The following SERPINB11 variants were observed in gnomAD, a reference collection of about 807,000 sequenced individuals.
The protein encoded by SERPINB11 is serpin family B member 11, also known as serpin B11.
Under a neutral mutation model 36.7 loss-of-function variants are expected in SERPINB11, and 32 were observed. The observed-to-expected ratio is 0.87, with a 90% CI of 0.66 to 1.17. The LOEUF is 1.17. Ranked by LOEUF, SERPINB11 falls within the 50% of genes most tolerant of loss-of-function variation. The pLI is 0.00. For synonymous variants in SERPINB11, 174 were observed against 168.1 expected (o/e 1.04, Z -0.27); for missense variants, 528 against 458.4 (o/e 1.15, Z -1.39).
chr18:63,709,467 C>T (rs930117211), intron 1 of SERPINB11, among the ~76,000 whole-genome samples: 22 of 151,862 alleles, frequency 1.4e-4, no homozygotes, highest in Admixed American at 8.5e-4. Flanking sequence ...AAAAGTTAGC[C>T]GGGCGTGGTG....
At chr18:63,716,546 C>T (rs1216876402) in intron 5 of SERPINB11, among the ~76,000 whole-genome samples, 2 of 152,070 alleles carry the variant, frequency 1.3e-5, no homozygotes, top group East Asian at 3.8e-4. Flanking sequence ...ATCCATCACT[C>T]AATTGCAACA....
intron 5 of SERPINB11, among the ~76,000 whole-genome samples, chr18:63,717,251 T>G (rs931670603): frequency 6.6e-6 from 1 of 152,098 alleles, no homozygotes; most frequent in Non-Finnish European, 1.5e-5. Flanking sequence ...CTCAGAATAT[T>G]CCAAATATAC....
intron 1 of SERPINB11, among the ~76,000 whole-genome samples, chr18:63,707,515 T>C (rs986260075): frequency 1.3e-5 from 2 of 152,210 alleles, no homozygotes; most frequent in Non-Finnish European, 2.9e-5. Flanking sequence ...CTTTCAGGTG[T>C]TTGAGTCTCT....
At chr18:63,722,933 G>T (rs1186156057) in intron 7 of SERPINB11, 62 bp from the exon 8 acceptor site, 54 of 1,425,080 alleles carry the variant, frequency 3.8e-5, no homozygotes, top group Non-Finnish European at 4.8e-5. Flanking sequence ...AAAAACATAT[G>T]ATATTTAATG....
chr18:63,703,892 G>A (rs1182060793), intron 1 of SERPINB11, among the ~76,000 whole-genome samples: 1 of 152,176 alleles, frequency 6.6e-6, no homozygotes, highest in Non-Finnish European at 1.5e-5. Context: ...CAACCTCAAA[G>A]GGCTACAGTG....
rs1280651097 is a variant in SERPINB11 at position 63,723,615 on chromosome 18, T to C, written c.*216T>C. 6.4e-6 allele frequency: 3 copies of C among 466,804 alleles called. No homozygotes were observed. The highest frequency in any genetic ancestry group is 3.3e-5 in the East Asian group (1 of 30,752). The allele number at this position is 466,804 out of a possible 1,614,324, so 28.9% of individuals were successfully genotyped here. A position where few individuals can be genotyped will look rare whatever the true frequency, so the allele number is the denominator to read the frequency against. On this transcript the variant is annotated 3_prime_UTR_variant, in exon 8 of 8. Transcript: ENST00000544088. Reference sequence around the variant, plus strand: ...AAAGGTAGATTTATGCAGAAAGCCTTTCTGGCTTTCTTATCTGTGGTGTCT... The same window carrying C: ...AAAGGTAGATTTATGCAGAAAGCCTCTCTGGCTTTCTTATCTGTGGTGTCT...
rs1033252333 is a variant in SERPINB11 at position 63,715,905 on chromosome 18, T to C, written c.358-130T>C. 5.4e-6 allele frequency: 3 copies of C among 555,878 alleles called. No homozygotes were observed. The South Asian group carries it at 7.8e-5, about 15-fold the overall frequency. The allele number at this position is 555,878 out of a possible 1,614,324, so 34.4% of individuals were successfully genotyped here. A position where few individuals can be genotyped will look rare whatever the true frequency, so the allele number is the denominator to read the frequency against. On this transcript the variant is annotated intron_variant, in intron 4 of 7. Coordinates refer to ENST00000544088, the MANE Select transcript of SERPINB11 (RefSeq NM_001370475.1). The stretch of plus-strand genomic sequence containing the variant: ...TAAAAATAAGTACATATGGATCCTG[T>C]TTCCTCTCAGACTTGTTTATGGGAA...
At chr18:63,718,110 A>T (rs1036399568) in intron 5 of SERPINB11, among the ~76,000 whole-genome samples, 3 of 151,964 alleles carry the variant, frequency 2.0e-5, no homozygotes, top group Non-Finnish European at 4.4e-5. Context: ...AGATGACCAT[A>T]TGTGTGTGAA....
At chr18:63,710,147 T>C (rs775200828) in intron 1 of SERPINB11, 32 bp from the exon 2 acceptor site, 166 of 1,531,426 alleles carry the variant, frequency 1.1e-4, no homozygotes, top group Non-Finnish European at 1.3e-4. Context: ...CTTCAAGTGA[T>C]GTTCTGAGAA....
intron 5 of SERPINB11, among the ~76,000 whole-genome samples, chr18:63,717,771 G>T (rs1007828339): frequency 6.6e-6 from 1 of 151,288 alleles, no homozygotes; most frequent in Non-Finnish European, 1.5e-5. Flanking sequence ...CTACTATTTT[G>T]CATCTTATCT....
At chr18:63,709,270 T>C (rs1433513252) in intron 1 of SERPINB11, among the ~76,000 whole-genome samples, 1 of 152,170 alleles carries the variant, frequency 6.6e-6, no homozygotes, top group Non-Finnish European at 1.5e-5. Context: ...TAGTATTGTC[T>C]TATTTCATGG....
chr18:63,708,182 A>T (rs1914421345), intron 1 of SERPINB11, among the ~76,000 whole-genome samples: 1 of 152,252 alleles, frequency 6.6e-6, no homozygotes. Flanking sequence ...ACAGGTGGCC[A>T]GGGCCAGATC....
intron 7 of SERPINB11, among the ~76,000 whole-genome samples, chr18:63,722,481 G>A (rs996108369): frequency 3.3e-5 from 5 of 152,166 alleles, no homozygotes; most frequent in Admixed American, 3.3e-4. Flanking sequence ...GCTGGGCAGA[G>A]GCACAGGTGG....
In SERPINB11 at chr18:63,723,851, TTC is replaced by T. The variant is rs1914893812; in HGVS notation, c.*456_*457del. 6.5e-6 allele frequency: 1 copy of T among 154,840 alleles called. No individual in the cohort carries two copies. The highest frequency in any genetic ancestry group is 2.4e-5 in the African/African-American group (1 of 41,540). 9.6% of individuals were successfully genotyped at this position (154,840 alleles called of 1,614,324 possible). ...GAATGTGGTGAGTTTTAGTTCAAAA[TTC>T]TCTGTTGAGAATAATAAATGCATGA... On this transcript the variant is annotated 3_prime_UTR_variant, in exon 8 of 8. Coordinates refer to ENST00000544088, the MANE Select transcript of SERPINB11 (RefSeq NM_001370475.1).
At chr18:63,710,589 A>G (rs1336472225) in intron 2 of SERPINB11, among the ~76,000 whole-genome samples, 1 of 152,234 alleles carries the variant, frequency 6.6e-6, no homozygotes, top group Non-Finnish European at 1.5e-5. Context: ...TTTTACTATC[A>G]GTGGTATCAC....
chr18:63,704,044 T>C (rs572586085), intron 1 of SERPINB11, among the ~76,000 whole-genome samples: 32 of 152,326 alleles, frequency 2.1e-4, no homozygotes, highest in African/African-American at 7.2e-4. Context: ...CATATGCATC[T>C]TTGATAAAAT....
chr18:63,715,991 T>C, intron 4 of SERPINB11, 44 bp from the exon 5 acceptor site: 3 of 1,354,598 alleles, frequency 2.2e-6, no homozygotes, highest in East Asian at 2.4e-5. Flanking sequence ...TTGTTTTCCT[T>C]ACACTGCTTT....
In SERPINB11 at chr18:63,720,097, A is replaced by G. The variant is rs760012090; in HGVS notation, c.560A>G (p.Gln187Arg). 21 of 1,610,494 alleles carry G rather than the reference A, an allele frequency of 1.3e-5. No homozygotes were observed. The highest frequency in any genetic ancestry group is 1.5e-5 in the Non-Finnish European group (18 of 1,177,164). The change falls in exon 6 of 8, where the codon CAA (glutamine) becomes CGA (arginine). Residue 187 changes from glutamine (Q) to arginine (R), a missense_variant. Physicochemically the swap from Gln to Arg is conservative, Grantham distance 43. Transcript: ENST00000544088. ...GTGAATGCCATATATTTCAAAGGACAATGGCAAAATAAATTTCAAGTAAGA... is the reference window on the plus strand; with the variant it reads ...GTGAATGCCATATATTTCAAAGGACGATGGCAAAATAAATTTCAAGTAAGA... ...VLVNAIYFKG[Q>R]WQNKFQVRET...
At chr18:63,720,176 CT>C (rs764892411) in intron 6 of SERPINB11, 21 bp downstream of exon 6, 3 of 1,578,084 alleles carry the variant, frequency 1.9e-6, no homozygotes. Flanking sequence ...TATTTTCAGA[CT>C]CATGACAAAT....
Sources: allele counts gnomAD v4.1 joint callset (sites outside exome capture counted in the v4.1 genomes callset), GRCh38; gene constraint gnomAD v4.1.1; transcripts MANE v1.5; gene names NCBI Gene and HGNC (gene_info 2026-07-23, HGNC 2026-07-21).